PPP1R37: variants seen among roughly 807,000 people sequenced by gnomAD.
PPP1R37 encodes the protein protein phosphatase 1 regulatory subunit 37, also known as leucine rich repeat containing 68.
PPP1R37 carries 21 observed loss-of-function variants against 61.0 expected under a neutral mutation model. The ratio of observed to expected loss-of-function variants is 0.34; its 90% CI spans 0.24 to 0.50. The LOEUF is 0.50. PPP1R37 is among the 20% of genes least tolerant of loss of function. The pLI is 0.98. For missense variants in PPP1R37, 910 were observed against 952.7 expected, an observed-to-expected ratio of 0.96 and a Z score of 0.59; for synonymous variants, 443 against 433.5, an observed-to-expected ratio of 1.02 and a Z score of -0.27.
rs1968468583 is a variant in PPP1R37 at position 45,130,923 on chromosome 19, T to C, written c.203-7591T>C. 6.6e-6 allele frequency among the ~76,000 whole-genome samples: 1 copy of C among 152,102 alleles called. No individual in the cohort carries two copies. Among genetic ancestry groups the C allele is most frequent in the Non-Finnish European group, 1.5e-5 (1 of 68,002 alleles). Reference sequence around the variant, plus strand: ...CCTCTGAGAGTTGACACCCTCCCACTGTGTCCCCCAGCCCGCACAGTGTTG... The same window carrying C: ...CCTCTGAGAGTTGACACCCTCCCACCGTGTCCCCCAGCCCGCACAGTGTTG... On this transcript the variant is annotated intron_variant, in intron 1 of 12. Transcript: ENST00000221462. This position sits in a 1 kb window ranked among gnomAD's most constrained non-coding sequence, Gnocchi z 4.4.
At chr19:45,132,733 T>G (rs982616671) in intron 1 of PPP1R37, among the ~76,000 whole-genome samples, 16 of 152,000 alleles carry the variant, frequency 1.1e-4, no homozygotes, top group African/African-American at 3.9e-4. Context: ...CATGCCCAAC[T>G]GATTTTTTAG....
Position 45,146,582 on chromosome 19 carries a change from C to T in PPP1R37, c.*20C>T, listed in dbSNP as rs1599715349. 13 of 845,476 alleles carry T rather than the reference C, an allele frequency of 1.5e-5. No homozygotes were observed. The highest frequency in any genetic ancestry group is 2.4e-5 in the Admixed American group (1 of 41,858). 52.4% of individuals were successfully genotyped at this position (845,476 alleles called of 1,614,324 possible). On this transcript the variant is annotated 3_prime_UTR_variant, in exon 13 of 13. Coordinates refer to ENST00000221462, the MANE Select transcript of PPP1R37 (RefSeq NM_019121.2). The stretch of plus-strand genomic sequence containing the variant: ...CTCTCCTCCCCAAGTTCCCTTTTTC[C>T]GGTCGGTCTGCGATGAGCTGAGGCC...
In PPP1R37 at chr19:45,145,189, C is replaced by T. The variant is rs763228428; in HGVS notation, c.1225C>T (p.Leu409=). The T allele has an allele frequency of 3.3e-6, 5 of 1,535,268 alleles. No homozygotes were observed. The highest frequency in any genetic ancestry group is 1.2e-5 in the South Asian group (1 of 84,056). The change falls in exon 10 of 13, where the codon CTG becomes TTG. Residue 409 remains leucine (L), a synonymous_variant. Transcript: ENST00000221462. The part of the protein sequence containing the change: ...NEIKTGGLMA[L]SLALKVNHSL... The stretch of plus-strand genomic sequence containing the variant: ...GATCAAGACAGGCGGGCTCATGGCA[C>T]TGTCGTTGGCCCTCAAGGTGAACCA...
chr19:45,141,986 G>A lies in PPP1R37; in HGVS notation c.568-75G>A. 3.7e-6 allele frequency: 4 copies of A among 1,074,988 alleles called. No homozygotes were observed. In the South Asian group the frequency reaches 7.4e-5, roughly 20 times the overall value. The allele number at this position is 1,074,988 out of a possible 1,614,324, so 66.6% of individuals were successfully genotyped here. A position where few individuals can be genotyped will look rare whatever the true frequency, so the allele number is the denominator to read the frequency against. On this transcript the variant is annotated intron_variant, in intron 5 of 12. Transcript: ENST00000221462. ...ACAGGTCCTGGGGCCAGGGAGTGCT[G>A]GGGCGGTCCTGGGGCCAGGGAGTGC... is the stretch of plus-strand genomic sequence containing the variant.
intron 1 of PPP1R37, among the ~76,000 whole-genome samples, chr19:45,127,197 A>G (rs1401510458): frequency 6.6e-6 from 1 of 152,074 alleles, no homozygotes; most frequent in Non-Finnish European, 1.5e-5. Flanking sequence ...TAAAAATACA[A>G]AATTAGCCTG....
chr19:45,143,634 G>T lies in PPP1R37; in HGVS notation c.987+1G>T. ...CATGGCCTTCCTGGGCATGACACTG[G>T]TGAGTCAGGCTGGCAGGGAAGGGAG... is the stretch of plus-strand genomic sequence containing the variant. On this transcript the variant is annotated splice_donor_variant, in intron 8 of 12. Transcript: ENST00000221462. LOFTEE classifies it high-confidence loss of function. The T allele has an allele frequency of 6.6e-7, 1 of 1,523,296 alleles. No homozygotes were observed. Among genetic ancestry groups the T allele is most frequent in the Non-Finnish European group, 8.8e-7 (1 of 1,135,438 alleles). The allele number at this position is 1,523,296 out of a possible 1,614,324, so 94.4% of individuals were successfully genotyped here.
intron 3 of PPP1R37, 82 bp from the exon 4 acceptor site, chr19:45,140,424 G>GT: frequency 7.9e-7 from 1 of 1,258,992 alleles, no homozygotes; most frequent in Non-Finnish European, 1.1e-6. Context: ...GGTGGGGGGT[G>GT]GGAGGTTGGG....
intron 1 of PPP1R37, among the ~76,000 whole-genome samples, chr19:45,131,742 T>G (rs1968479934): frequency 6.6e-6 from 1 of 152,192 alleles, no homozygotes; most frequent in Non-Finnish European, 1.5e-5. Flanking sequence ...TAGAAAGTGC[T>G]TATTAGCACT....
rs143438703 is a variant in PPP1R37 at position 45,125,358 on chromosome 19, G to C, written c.203-13156G>C. 4.4e-3 allele frequency among the ~76,000 whole-genome samples: 676 copies of C among 152,272 alleles called. 5 individuals are homozygous for C. Among genetic ancestry groups the C allele is most frequent in the African/African-American group, 0.015 (628 of 41,546 alleles). On this transcript the variant is annotated intron_variant, in intron 1 of 12. Transcript: ENST00000221462. ...CGTGCCTGTAGTCCCAGCTACTCAG[G>C]AGGCTGAGGCAGGAGAATTGCTTGA... is the stretch of plus-strand genomic sequence containing the variant.
intron 1 of PPP1R37, among the ~76,000 whole-genome samples, chr19:45,111,283 A>ATTT (rs1324855431): frequency 7.3e-6 from 1 of 137,476 alleles, no homozygotes; most frequent in East Asian, 2.0e-4. Flanking sequence ...TATTATTATT[A>ATTT]TTTTTAATTG....
chr19:45,098,520 G>A (rs569798741), intron 1 of PPP1R37, among the ~76,000 whole-genome samples: 1 of 152,304 alleles, frequency 6.6e-6, no homozygotes, highest in South Asian at 2.1e-4. Flanking sequence ...GTGTGTGTGC[G>A]TTGGGGGTTT....
chr19:45,125,606 TTCCTGAGAGTTCCATC>T (rs1171087350), intron 1 of PPP1R37, among the ~76,000 whole-genome samples: 4 of 152,210 alleles, frequency 2.6e-5, no homozygotes. Flanking sequence ...GAGCTCCTCT[TTCCTGAGAGTTCCATC>T]TCAGGGCGTA....
chr19:45,131,129 T>TG (rs1473692721), intron 1 of PPP1R37, among the ~76,000 whole-genome samples: 1 of 152,216 alleles, frequency 6.6e-6, no homozygotes, highest in African/African-American at 2.4e-5. Context: ...TGTCACCTGA[T>TG]GCCCGGCGTC....
At chr19:45,112,349 T>C (rs1273533913) in intron 1 of PPP1R37, among the ~76,000 whole-genome samples, 1 of 111,334 alleles carries the variant, frequency 9.0e-6, no homozygotes, top group African/African-American at 3.4e-5. Context: ...AGCAAGACTT[T>C]CGCTAGAGTC....
chr19:45,127,717 T>G (rs1036684409), intron 1 of PPP1R37, among the ~76,000 whole-genome samples: 6 of 151,852 alleles, frequency 4.0e-5, no homozygotes, highest in Admixed American at 6.6e-5. Flanking sequence ...TGGCTCACGC[T>G]TGTAATCCCA....
chr19:45,133,394 G>A (rs1382964380), intron 1 of PPP1R37, among the ~76,000 whole-genome samples: 4 of 152,150 alleles, frequency 2.6e-5, no homozygotes, highest in South Asian at 2.1e-4. Flanking sequence ...CAGAATTCAC[G>A]TTCTTAACCA....
At chr19:45,142,018 A>T in intron 5 of PPP1R37, 43 bp from the exon 6 acceptor site, 1 of 1,455,452 alleles carries the variant, frequency 6.9e-7, no homozygotes, top group Non-Finnish European at 9.1e-7. Context: ...GTGCTGGGGC[A>T]GGCCTGAGCC....
At chr19:45,113,327 A>G (rs749533183) in intron 1 of PPP1R37, among the ~76,000 whole-genome samples, 6 of 152,238 alleles carry the variant, frequency 3.9e-5, no homozygotes, top group Non-Finnish European at 8.8e-5. Flanking sequence ...AGGAATCATA[A>G]TAGCTAGCGT....
chr19:45,144,768 T>A (rs1234389498), intron 8 of PPP1R37, 86 bp from the exon 9 acceptor site: 1 of 1,214,208 alleles, frequency 8.2e-7, no homozygotes, highest in African/African-American at 1.6e-5. Flanking sequence ...GGCCTGGCTC[T>A]CTTCCCGGCT....
Sources: gnomAD v4.1 joint callset for allele counts (sites outside exome capture counted in the v4.1 genomes callset) on GRCh38, gnomAD v4.1.1 for gene constraint, Gnocchi (gnomAD v3.1) non-coding constraint, MANE v1.5 for transcripts, NCBI Gene and HGNC (gene_info 2026-07-23, HGNC 2026-07-21) for gene names.